ATP6V1B1: variants seen among roughly 807,000 people sequenced by gnomAD.
The protein encoded by ATP6V1B1 is V-type proton ATPase subunit B, kidney isoform.
ATP6V1B1 carries 41 observed loss-of-function variants against 62.1 expected under a neutral mutation model. The ratio of observed to expected loss-of-function variants is 0.66; its 90% CI spans 0.51 to 0.86. ATP6V1B1 has a LOEUF of 0.86. Ranked by LOEUF, ATP6V1B1 falls within the 40% of genes least tolerant of loss-of-function variation. The pLI, the probability that ATP6V1B1 is intolerant of heterozygous loss-of-function variation, is 0.00. For missense variants in ATP6V1B1, 651 were observed against 697.5 expected (o/e 0.93, Z 0.75); for synonymous variants, 253 against 273.4 (o/e 0.93, Z 0.74).
chr2:70,949,035 A>C (rs575440155), intron 2 of ATP6V1B1, among the ~76,000 whole-genome samples: 2 of 150,548 alleles, frequency 1.3e-5, no homozygotes, highest in Non-Finnish European at 2.9e-5. Context: ...AAAATGTATT[A>C]TATTTTAATT....
chr2:70,956,897 T>C (rs1173627503), intron 2 of ATP6V1B1, among the ~76,000 whole-genome samples: 3 of 152,006 alleles, frequency 2.0e-5, no homozygotes, highest in Non-Finnish European at 4.4e-5. Context: ...TCTTTTTTAT[T>C]ATAGCCATCC....
In ATP6V1B1 at chr2:70,965,225, C is replaced by T; in HGVS notation, c.*104C>T. 6.6e-7 allele frequency: 1 copy of T among 1,516,294 alleles called. No individual in the cohort carries two copies. The highest frequency in any genetic ancestry group is 8.9e-7 in the Non-Finnish European group (1 of 1,119,504). The allele number at this position is 1,516,294 out of a possible 1,614,324, so 93.9% of individuals were successfully genotyped here. ...CCAGCGGCTTCTGCGCCGCCCTCCG[C>T]CCTCCGCTGGCTCCGAGGTGGTGGG... On this transcript the variant is annotated 3_prime_UTR_variant, in exon 14 of 14. Coordinates refer to ENST00000234396, the MANE Select transcript of ATP6V1B1 (RefSeq NM_001692.4).
Position 70,965,201 on chromosome 2 carries a change from C to A in ATP6V1B1, c.*80C>A. On this transcript the variant is annotated 3_prime_UTR_variant, in exon 14 of 14. Coordinates refer to ENST00000234396, the MANE Select transcript of ATP6V1B1 (RefSeq NM_001692.4). ...GTCTCCCCTCCCTCGCCACCCCAAC[C>A]AGCGGCTTCTGCGCCGCCCTCCGCC... The A allele has an allele frequency of 1.3e-6, 2 of 1,578,178 alleles. No individual in the cohort carries two copies. The highest frequency in any genetic ancestry group is 2.3e-5 in the East Asian group (1 of 44,256).
chr2:70,958,134 C>A lies in ATP6V1B1; in HGVS notation c.263C>A (p.Ala88Glu), dbSNP rs1553419387. ...GQVLEVAGTKAIVQVFEGTSG... is the reference protein window; with the variant it reads ...GQVLEVAGTKEIVQVFEGTSG... ...GTGCTTGAGGTGGCTGGCACCAAGGCGATTGTTCAGGTGAGTGGGGTCAAT... is the reference window on the plus strand; with the variant it reads ...GTGCTTGAGGTGGCTGGCACCAAGGAGATTGTTCAGGTGAGTGGGGTCAAT... Residue 88 changes from alanine (A) to glutamate (E), a missense_variant, in exon 3 of 14, where the codon GCG becomes GAG. Transcript: ENST00000234396. 7 of 1,613,864 alleles carry A rather than the reference C, an allele frequency of 4.3e-6. No individual in the cohort carries two copies. The highest frequency in any genetic ancestry group is 5.9e-6 in the Non-Finnish European group (7 of 1,180,008).
intron 2 of ATP6V1B1, 79 bp from the exon 3 acceptor site, chr2:70,957,966 TG>T: frequency 7.7e-7 from 1 of 1,299,484 alleles, no homozygotes. Context: ...AGTTTGGGAC[TG>T]GGTCAGGGAG....
At chr2:70,957,990 A>G (rs1680482460) in intron 2 of ATP6V1B1, 56 bp from the exon 3 acceptor site, 3 of 1,514,920 alleles carry the variant, frequency 2.0e-6, no homozygotes, top group Non-Finnish European at 1.8e-6. Context: ...CCGGAGGAGG[A>G]GAAGGGACTT....
Position 70,964,114 on chromosome 2 carries a change from ATTTTTTT to A in ATP6V1B1, c.1144-308_1144-302del, listed in dbSNP as rs66905923. On this transcript the variant is annotated intron_variant, in intron 11 of 13. Coordinates refer to ENST00000234396, the MANE Select transcript of ATP6V1B1 (RefSeq NM_001692.4). Reference sequence around the variant, plus strand: ...ACGTTTTTCTCTTTGCTTGGCAGGTATTTTTTTTTTTTTTTTTTTTTTGCAGCTATTA... The same window carrying A: ...ACGTTTTTCTCTTTGCTTGGCAGGTATTTTTTTTTTTTTTTGCAGCTATTA... 1.7e-3 allele frequency: 216 copies of A among 127,328 alleles called. 1 individual carries two copies. Among genetic ancestry groups the A allele is most frequent in the Middle Eastern group, 7.7e-3 (2 of 260 alleles). 7.9% of individuals were successfully genotyped at this position (127,328 alleles called of 1,614,324 possible).
At chr2:70,953,694 C>A (rs1553418606) in intron 2 of ATP6V1B1, among the ~76,000 whole-genome samples, 1 of 152,160 alleles carries the variant, frequency 6.6e-6, no homozygotes, top group African/African-American at 2.4e-5. Flanking sequence ...ATTTTGGTAT[C>A]AAGGCTATAA....
chr2:70,938,175 T>G (rs1233860545), intron 1 of ATP6V1B1, among the ~76,000 whole-genome samples: 2 of 152,036 alleles, frequency 1.3e-5, no homozygotes, highest in Non-Finnish European at 2.9e-5. Flanking sequence ...TGGGATTCCT[T>G]GGTGTGTCCC....
chr2:70,955,661 CT>C (rs1216600839), intron 2 of ATP6V1B1, among the ~76,000 whole-genome samples: 37 of 151,806 alleles, frequency 2.4e-4, no homozygotes, highest in African/African-American at 8.5e-4. Context: ...ATCAGTGCTT[CT>C]TTTTTTTAAT....
At chr2:70,955,056 C>T (rs1290917462) in intron 2 of ATP6V1B1, among the ~76,000 whole-genome samples, 9 of 152,160 alleles carry the variant, frequency 5.9e-5, no homozygotes, top group Admixed American at 3.9e-4. Context: ...GCTCCCAGAG[C>T]GTGCACAGAC....
intron 4 of ATP6V1B1, 130 bp from the exon 5 acceptor site, chr2:70,958,888 T>G (rs1032068389): frequency 4.7e-6 from 4 of 859,112 alleles, no homozygotes; most frequent in Non-Finnish European, 7.7e-6. Flanking sequence ...ACCTGTGGGC[T>G]GCCGGGGAGG....
chr2:70,950,318 A>G (rs1680292019), intron 2 of ATP6V1B1, among the ~76,000 whole-genome samples: 1 of 152,272 alleles, frequency 6.6e-6, no homozygotes, highest in South Asian at 2.1e-4. Flanking sequence ...TCAGACATTT[A>G]TGTGAACTTT....
In ATP6V1B1 at chr2:70,962,909, G is replaced by C; in HGVS notation, c.909+9G>C. 1 of 1,613,824 alleles carries C rather than the reference G, an allele frequency of 6.2e-7. No homozygotes were observed. Among genetic ancestry groups the C allele is most frequent in the East Asian group, 2.2e-5 (1 of 44,864 alleles). ...CAGAGGCCTTGCGGGAGGTAAGCTG[G>C]CTAGCAAGGGGTGTCAGATTCCTCC... On this transcript the variant is annotated intron_variant, in intron 9 of 13. Transcript: ENST00000234396.
intron 2 of ATP6V1B1, among the ~76,000 whole-genome samples, chr2:70,950,678 CCTT>C (rs1240910672): frequency 7.2e-5 from 11 of 151,994 alleles, no homozygotes; most frequent in Non-Finnish European, 1.2e-4. Context: ...CATTCTAAAA[CCTT>C]CTTTCTAAAC....
chr2:70,964,351 G>T, intron 11 of ATP6V1B1, 87 bp from the exon 12 acceptor site: 1 of 1,362,912 alleles, frequency 7.3e-7, no homozygotes, highest in Non-Finnish European at 1.0e-6. Flanking sequence ...TAGGATAAGT[G>T]AGGAGCTTCT....
intron 2 of ATP6V1B1, among the ~76,000 whole-genome samples, chr2:70,948,886 A>T (rs1438399421): frequency 1.3e-5 from 2 of 152,006 alleles, no homozygotes; most frequent in Non-Finnish European, 2.9e-5. Flanking sequence ...AGTGGTCCCT[A>T]CTTGGTCACA....
At chr2:70,943,250 G>A in intron 1 of ATP6V1B1, 3 of 390,042 alleles carry the variant, frequency 7.7e-6, no homozygotes, top group Non-Finnish European at 1.5e-5. Context: ...TGCAGTCCTG[G>A]TGAGGGCAGA....
At chr2:70,964,383 G>A in intron 11 of ATP6V1B1, 55 bp from the exon 12 acceptor site, 1 of 1,577,692 alleles carries the variant, frequency 6.3e-7, no homozygotes, top group Non-Finnish European at 8.7e-7. Flanking sequence ...TTTGGGGACA[G>A]GGGGAGCAAA....
Sources: gnomAD v4.1 joint callset for allele counts (sites outside exome capture counted in the v4.1 genomes callset) on GRCh38, gnomAD v4.1.1 for gene constraint, MANE v1.5 for transcripts, NCBI Gene and HGNC (gene_info 2026-07-23, HGNC 2026-07-21) for gene names.